Variants in TNRC6B observed in about 807,000 individuals in gnomAD.
The protein encoded by TNRC6B is trinucleotide repeat containing adaptor 6B.
Under a neutral mutation model 203.6 loss-of-function variants are expected in TNRC6B, and 52 were observed. The observed-to-expected ratio is 0.26, with a 90% CI of 0.20 to 0.32. TNRC6B has a LOEUF of 0.32. Among genes scored for constraint, TNRC6B ranks in the 10% least tolerant of loss-of-function variants. The pLI is 1.00. For synonymous variants in TNRC6B, 838 were observed against 845.7 expected (o/e 0.99, Z 0.16); for missense variants, 1,923 against 2,286.2 (o/e 0.84, Z 3.24).
chr22:40,218,981 G>C (rs2069673108), intron 1 of TNRC6B, among the ~76,000 whole-genome samples: 1 of 152,258 alleles, frequency 6.6e-6, no homozygotes. Flanking sequence ...TGGGCATTCT[G>C]AGAAGCAGGT....
intron 11 of TNRC6B, among the ~76,000 whole-genome samples, chr22:40,284,129 G>A (rs972884110): frequency 6.6e-6 from 1 of 152,190 alleles, no homozygotes; most frequent in African/African-American, 2.4e-5. Context: ...CAGAGATTTA[G>A]AGTTTCTAGA....
At chr22:40,195,744 A>G (rs2069328728) in intron 1 of TNRC6B, among the ~76,000 whole-genome samples, 1 of 150,892 alleles carries the variant, frequency 6.6e-6, no homozygotes, top group Non-Finnish European at 1.5e-5. Flanking sequence ...ATGAGCCACC[A>G]TCCTCAGCTT....
intron 1 of TNRC6B, among the ~76,000 whole-genome samples, chr22:40,185,439 A>T (rs1318454118): frequency 1.3e-5 from 2 of 152,190 alleles, no homozygotes; most frequent in African/African-American, 4.8e-5. Context: ...CATAATGATT[A>T]TTAGAAGTAC....
At chr22:40,277,581 C>G (rs965996848) in intron 8 of TNRC6B, among the ~76,000 whole-genome samples, 2 of 152,228 alleles carry the variant, frequency 1.3e-5, no homozygotes, top group Non-Finnish European at 2.9e-5. Context: ...TGGGGACACC[C>G]TGTCCCTGGT....
intron 1 of TNRC6B, among the ~76,000 whole-genome samples, chr22:40,240,896 C>T (rs553413537): frequency 1.3e-5 from 2 of 152,146 alleles, no homozygotes; most frequent in Non-Finnish European, 2.9e-5. Flanking sequence ...GATTATGACT[C>T]ACTGCAGCCT....
At chr22:40,192,286 A>G (rs1168818235) in intron 1 of TNRC6B, among the ~76,000 whole-genome samples, 1 of 152,212 alleles carries the variant, frequency 6.6e-6, no homozygotes, top group East Asian at 1.9e-4. Flanking sequence ...AGCAAGAGGG[A>G]CAAGTGGAGA....
At chr22:40,108,069 A>C (rs1444034213) in intron 1 of TNRC6B, among the ~76,000 whole-genome samples, 2 of 152,106 alleles carry the variant, frequency 1.3e-5, no homozygotes, top group African/African-American at 4.8e-5. Context: ...CCAGATCAAG[A>C]AATGTCTGAA....
At chr22:40,307,847 A>G (rs188345319) in intron 15 of TNRC6B, among the ~76,000 whole-genome samples, 1 of 152,282 alleles carries the variant, frequency 6.6e-6, no homozygotes, top group Non-Finnish European at 1.5e-5. Context: ...CATGCTTAAA[A>G]TGTTCACTAT....
intron 4 of TNRC6B, among the ~76,000 whole-genome samples, chr22:40,160,476 CAAA>C (rs10668307): frequency 2.3e-5 from 3 of 128,034 alleles, no homozygotes; most frequent in East Asian, 2.4e-4. Context: ...AACTCCGTCT[CAAA>C]AAAAAAAAAA....
intron 3 of TNRC6B, among the ~76,000 whole-genome samples, chr22:40,132,963 A>AT (rs1555884671): frequency 2.5e-5 from 2 of 80,920 alleles, no homozygotes; most frequent in Non-Finnish European, 5.3e-5. Flanking sequence ...AAAAAAAAAA[A>AT]AAAAAAATAT....
chr22:40,173,794 T>TATATATATAA (rs201025367), upstream of TNRC6B, among the ~76,000 whole-genome samples: 1 of 31,452 alleles, frequency 3.2e-5, no homozygotes, highest in Non-Finnish European at 4.8e-5. Flanking sequence ...TATATATATA[T>TATATATATAA]TTTTTTTTTT....
chr22:40,253,237 A>G (rs1601922234), intron 3 of TNRC6B, among the ~76,000 whole-genome samples: 1 of 147,114 alleles, frequency 6.8e-6, no homozygotes, highest in Non-Finnish European at 1.5e-5. Flanking sequence ...ACCCGCCACC[A>G]TGCCCGGCTA....
chr22:40,206,239 T>C (rs1291051401), intron 1 of TNRC6B, among the ~76,000 whole-genome samples: 1 of 152,186 alleles, frequency 6.6e-6, no homozygotes, highest in Non-Finnish European at 1.5e-5. Context: ...AAAGAACTTA[T>C]TGGTGTAAGT....
At chr22:40,292,405 A>G (rs2008569) in intron 12 of TNRC6B, among the ~76,000 whole-genome samples, 44,375 of 151,776 alleles carry the variant, frequency 0.29, 7,521 homozygotes, top group South Asian at 0.45. Flanking sequence ...TGTTACAAAT[A>G]TTCCGGGCCT....
chr22:40,229,511 T>C (rs1181687321), intron 1 of TNRC6B, among the ~76,000 whole-genome samples: 1 of 152,062 alleles, frequency 6.6e-6, no homozygotes, highest in African/African-American at 2.4e-5. Flanking sequence ...TATTGACATT[T>C]ACAATGCGGT....
chr22:40,208,759 AT>A (rs1277805209), intron 1 of TNRC6B, among the ~76,000 whole-genome samples: 2 of 152,222 alleles, frequency 1.3e-5, no homozygotes, highest in African/African-American at 4.8e-5. Flanking sequence ...AAGTTTTATT[AT>A]TTTTTAAGAG....
At chr22:40,049,966 ATTAGTTTCTATTATCG>A (rs2067731577) in intron 1 of TNRC6B, among the ~76,000 whole-genome samples, 3 of 152,248 alleles carry the variant, frequency 2.0e-5, no homozygotes, top group South Asian at 4.1e-4. Context: ...TCCCATTAGT[ATTAGTTTCTATTATCG>A]TTAGTTTCTA....
intron 4 of TNRC6B, among the ~76,000 whole-genome samples, chr22:40,167,904 T>C (rs2068935098): frequency 6.6e-6 from 1 of 151,900 alleles, no homozygotes; most frequent in Non-Finnish European, 1.5e-5. Flanking sequence ...AAATACGGGA[T>C]AATTGGGCAC....
At chr22:40,096,757 T>C (rs2068188912) in intron 1 of TNRC6B, among the ~76,000 whole-genome samples, 1 of 152,186 alleles carries the variant, frequency 6.6e-6, no homozygotes, top group South Asian at 2.1e-4. Context: ...TAATGTTAGA[T>C]TTTGGCTTTT....
Sources: gnomAD v4.1 joint callset for allele counts (sites outside exome capture counted in the v4.1 genomes callset) on GRCh38, gnomAD v4.1.1 for gene constraint, MANE v1.5 for transcripts, NCBI Gene and HGNC (gene_info 2026-07-23, HGNC 2026-07-21) for gene names.